C3orf18: variants seen among roughly 807,000 people sequenced by gnomAD.
C3orf18 encodes uncharacterized protein C3orf18.
A neutral mutation model predicts 14.1 loss-of-function variants in C3orf18; 12 were observed. The observed-to-expected ratio is 0.85, with a 90% CI of 0.55 to 1.38. C3orf18 has a LOEUF of 1.38. Ranked by LOEUF, C3orf18 falls within the 40% of genes most tolerant of loss-of-function variation. The pLI, the probability that C3orf18 is intolerant of heterozygous loss-of-function variation, is 0.00. For missense variants in C3orf18, 196 were observed against 213.9 expected (o/e 0.92, Z 0.52); for synonymous variants, 82 against 87.9 (o/e 0.93, Z 0.38).
intron 5 of C3orf18, 42 bp from the exon 6 acceptor site, chr3:50,559,779 G>A: frequency 7.4e-7 from 1 of 1,360,076 alleles, no homozygotes; most frequent in Non-Finnish European, 1.0e-6. Context: ...CATGGGCAAG[G>A]CCATGCACTC....
chr3:50,560,147 T>C (rs891595488), intron 5 of C3orf18, among the ~76,000 whole-genome samples: 1 of 152,158 alleles, frequency 6.6e-6, no homozygotes. Flanking sequence ...GGGGGCAATA[T>C]ATCTTGACCC....
upstream of C3orf18, chr3:50,571,195 C>T (rs757550905): frequency 6.2e-7 from 1 of 1,613,770 alleles, no homozygotes; most frequent in Non-Finnish European, 8.5e-7. Flanking sequence ...CTCATGGCAA[C>T]CCCAACCACC....
rs1349351272 is a variant in C3orf18, at chr3:50,565,352, G to A, written c.234+114C>T. 6 of 833,550 alleles carry A rather than the reference G, an allele frequency of 7.2e-6. No homozygotes were observed. The highest frequency in any genetic ancestry group is 1.1e-5 in the Non-Finnish European group (6 of 521,774). The allele number at this position is 833,550 out of a possible 1,614,324, so 51.6% of individuals were successfully genotyped here. A position where few individuals can be genotyped will look rare whatever the true frequency, so the allele number is the denominator to read the frequency against. ...ATTGCACTCCAGCCTGCATGACAGA[G>A]CAAGACTCTGTCTCAAAAACAACAA... On this transcript the variant is annotated intron_variant, in intron 3 of 5. Coordinates refer to ENST00000357203, the MANE Select transcript of C3orf18 (RefSeq NM_016210.5). The surrounding 1 kb of genome is among the most constrained non-coding windows in gnomAD (Gnocchi z 4.4).
intron 4 of C3orf18, 65 bp from the exon 5 acceptor site, chr3:50,561,129 G>A (rs1699941716): frequency 1.9e-6 from 3 of 1,547,778 alleles, no homozygotes; most frequent in Non-Finnish European, 2.6e-6. Flanking sequence ...AGCCCTCCAG[G>A]CCCTGCCTCC....
At chr3:50,562,435 T>C (rs1443564465) in intron 3 of C3orf18, 1 of 454,156 alleles carries the variant, frequency 2.2e-6, no homozygotes, top group African/African-American at 2.0e-5. Flanking sequence ...CCCTCAACTC[T>C]TCCCAGGCTC....
rs1307648272 is a variant in C3orf18, at chr3:50,558,678, A to G, written c.*979T>C. The stretch of plus-strand genomic sequence containing the variant: ...CCAGATCCTCATTAGAGCCCAAGAC[A>G]GGGAGCCGTTTTCAGAAGCAGGTGA... On this transcript the variant is annotated 3_prime_UTR_variant, in exon 6 of 6. Transcript: ENST00000357203. The G allele has an allele frequency of 7.8e-7, 1 of 1,283,308 alleles. No individual in the cohort carries two copies. Among genetic ancestry groups the G allele is most frequent in the Non-Finnish European group, 1.0e-6 (1 of 984,720 alleles). The allele number at this position is 1,283,308 out of a possible 1,614,324, so 79.5% of individuals were successfully genotyped here.
At chr3:50,574,133 A>G (rs1056055163), upstream of C3orf18, among the ~76,000 whole-genome samples, 2 of 152,192 alleles carry the variant, frequency 1.3e-5, no homozygotes, top group Non-Finnish European at 2.9e-5. Context: ...AGAGCCAACA[A>G]CTGCCTGCCC....
Position 50,559,335 on chromosome 3 carries a change from C to CG in C3orf18, c.*321dup. On this transcript the variant is annotated 3_prime_UTR_variant, in exon 6 of 6. Transcript: ENST00000357203. ...ATCTCCCTCATTTCCTCCACATTAGCGGGGCAGACCCTGATGTGAGGGATC... is the reference window on the plus strand; with the variant it reads ...ATCTCCCTCATTTCCTCCACATTAGCGGGGGCAGACCCTGATGTGAGGGATC... 1 of 1,276,886 alleles carries CG rather than the reference C, an allele frequency of 7.8e-7. No individual in the cohort carries two copies. Among genetic ancestry groups the CG allele is most frequent in the Non-Finnish European group, 1.0e-6 (1 of 998,866 alleles). 79.1% of individuals were successfully genotyped at this position (1,276,886 alleles called of 1,614,324 possible). A position where few individuals can be genotyped will look rare whatever the true frequency, so the allele number is the denominator to read the frequency against.
upstream of C3orf18, chr3:50,571,215 G>A (rs1300205635): frequency 3.1e-6 from 5 of 1,613,810 alleles, no homozygotes; most frequent in Non-Finnish European, 3.4e-6. Context: ...CTCTGGCTGG[G>A]TTATCCAGTG....
chr3:50,571,150 G>T, upstream of C3orf18: 5 of 1,612,876 alleles, frequency 3.1e-6, no homozygotes, highest in Non-Finnish European at 4.2e-6. Flanking sequence ...GTCTGGCCCA[G>T]GGAGGAGGGG....
At position 50,558,163 on chromosome 3, in the gene C3orf18, G is replaced by A. The variant is rs766460958; in HGVS notation, c.*1494C>T. 25 of 154,038 alleles carry A rather than the reference G, an allele frequency of 1.6e-4. No homozygotes were observed. Among genetic ancestry groups the A allele is most frequent in the Admixed American group, 3.9e-4 (6 of 15,518 alleles). The allele number at this position is 154,038 out of a possible 1,614,324, so 9.5% of individuals were successfully genotyped here. ...AACGTATTTATAGCATTTAGAGGAG[G>A]GAATAAATCCAGAACCTTCCCCATG... is the stretch of plus-strand genomic sequence containing the variant. On this transcript the variant is annotated 3_prime_UTR_variant, in exon 6 of 6. Transcript: ENST00000357203.
chr3:50,574,482 TGTCTTTGAG>T (rs1159966071), upstream of C3orf18, among the ~76,000 whole-genome samples: 1 of 152,212 alleles, frequency 6.6e-6, no homozygotes, highest in Non-Finnish European at 1.5e-5. Flanking sequence ...ACGTGGTGTG[TGTCTTTGAG>T]GTCTTTGAGT....
At position 50,565,900 on chromosome 3, in the gene C3orf18, G is replaced by A; in HGVS notation, c.-162-39C>T. The A allele has an allele frequency of 1.7e-6, 1 of 589,376 alleles. No individual in the cohort carries two copies. 36.5% of individuals were successfully genotyped at this position (589,376 alleles called of 1,614,324 possible). A position where few individuals can be genotyped will look rare whatever the true frequency, so the allele number is the denominator to read the frequency against. ...AATAAGAAACATGAGGCTAAGGACAGGGGCTCAGTAGTGAGATGAAGTCTC... is the reference window on the plus strand; with the variant it reads ...AATAAGAAACATGAGGCTAAGGACAAGGGCTCAGTAGTGAGATGAAGTCTC... On this transcript the variant is annotated intron_variant, in intron 2 of 5. Coordinates refer to ENST00000357203, the MANE Select transcript of C3orf18 (RefSeq NM_016210.5). The surrounding 1 kb of genome is among the most constrained non-coding windows in gnomAD (Gnocchi z 4.4).
chr3:50,571,326 C>A, upstream of C3orf18: 1 of 1,586,110 alleles, frequency 6.3e-7, no homozygotes, highest in Non-Finnish European at 8.6e-7. Context: ...TCCTTGGAGC[C>A]AAAACAGTTA....
upstream of C3orf18, chr3:50,569,685 G>C (rs890425786): frequency 6.6e-6 from 1 of 152,366 alleles, no homozygotes; most frequent in Non-Finnish European, 1.5e-5. Flanking sequence ...TGGAGAGAGG[G>C]GGCCTCATCT....
chr3:50,559,344 C>A lies in C3orf18; in HGVS notation c.*313G>T, dbSNP rs1699830720. The A allele has an allele frequency of 7.7e-7, 1 of 1,291,888 alleles. No homozygotes were observed. Among genetic ancestry groups the A allele is most frequent in the African/African-American group, 1.5e-5 (1 of 66,226 alleles). The allele number at this position is 1,291,888 out of a possible 1,614,324, so 80.0% of individuals were successfully genotyped here. On this transcript the variant is annotated 3_prime_UTR_variant, in exon 6 of 6. Coordinates refer to ENST00000357203, the MANE Select transcript of C3orf18 (RefSeq NM_016210.5). ...ATTTCCTCCACATTAGCGGGGCAGA[C>A]CCTGATGTGAGGGATCTGGACAGGG...
chr3:50,558,514 TGGG>T lies in C3orf18; in HGVS notation c.*1140_*1142del, dbSNP rs1699785839. 12 of 375,914 alleles carry T rather than the reference TGGG, an allele frequency of 3.2e-5. No homozygotes were observed. Among genetic ancestry groups the T allele is most frequent in the South Asian group, 2.6e-4 (12 of 46,722 alleles). The allele number at this position is 375,914 out of a possible 1,614,324, so 23.3% of individuals were successfully genotyped here. Reference sequence around the variant, plus strand: ...GCTCTTCCCATAGATGGGATGGAGGTGGGGAATTCAAACATAGACTAAGTTTTT... The same window carrying T: ...GCTCTTCCCATAGATGGGATGGAGGTGAATTCAAACATAGACTAAGTTTTT... On this transcript the variant is annotated 3_prime_UTR_variant, in exon 6 of 6. Coordinates refer to ENST00000357203, the MANE Select transcript of C3orf18 (RefSeq NM_016210.5).
chr3:50,568,701 C>T (rs550977482), upstream of C3orf18, among the ~76,000 whole-genome samples: 1 of 125,200 alleles, frequency 8.0e-6, no homozygotes, highest in Non-Finnish European at 1.6e-5. Context: ...CTTCAGCCTG[C>T]GCAACAAGAG....
chr3:50,558,849 G>A lies in C3orf18; in HGVS notation c.*808C>T. ...GGGGTAGAGGTCGACTTGGAGGGTG[G>A]GGCCAGTGTGGACAATCTCATTCTG... is the stretch of plus-strand genomic sequence containing the variant. On this transcript the variant is annotated 3_prime_UTR_variant, in exon 6 of 6. Transcript: ENST00000357203. The A allele has an allele frequency of 7.8e-7, 1 of 1,289,818 alleles. No homozygotes were observed. The highest frequency in any genetic ancestry group is 1.0e-6 in the Non-Finnish European group (1 of 988,858). The allele number at this position is 1,289,818 out of a possible 1,614,324, so 79.9% of individuals were successfully genotyped here.
Sources: gnomAD v4.1 joint callset for allele counts (sites outside exome capture counted in the v4.1 genomes callset) on GRCh38, gnomAD v4.1.1 for gene constraint, Gnocchi (gnomAD v3.1) non-coding constraint, MANE v1.5 for transcripts, NCBI Gene and HGNC (gene_info 2026-07-23, HGNC 2026-07-21) for gene names.